P2RX5: variants seen among roughly 807,000 people sequenced by gnomAD.
The protein encoded by P2RX5 is purinergic receptor P2X 5, also known as P2X purinoceptor 5.
Under a neutral mutation model 54.1 loss-of-function variants are expected in P2RX5, and 46 were observed. That is an observed-to-expected ratio of 0.85 (90% confidence interval 0.67 to 1.09). P2RX5 has a LOEUF of 1.09. P2RX5 is among the 50% of genes least tolerant of loss of function. The pLI, the probability that P2RX5 is intolerant of heterozygous loss-of-function variation, is 0.00. For synonymous variants in P2RX5, 226 were observed against 226.4 expected (o/e 1.00, Z 0.02); for missense variants, 566 against 549.8 (o/e 1.03, Z -0.29).
upstream of P2RX5, among the ~76,000 whole-genome samples, chr17:3,699,052 GACACACAC>G (rs71379596): frequency 4.2e-3 from 172 of 40,890 alleles, 1 homozygote; most frequent in African/African-American, 7.5e-3. Flanking sequence ...TATATAGACA[GACACACAC>G]ACACACACAC....
the P2RX5 span, among the ~76,000 whole-genome samples, chr17:3,703,193 C>T: frequency 6.9e-3 from 1,049 of 152,192 alleles, 12 homozygotes; most frequent in Middle Eastern, 0.01. Flanking sequence ...GGGAATTACT[C>T]CTCAAATAGA....
the P2RX5 span, chr17:3,721,953 G>A: frequency 0.14 from 20,572 of 151,964 alleles, 4,635 homozygotes; most frequent in African/African-American, 0.47. Flanking sequence ...GCCAAGGAGG[G>A]CGGATCACCT....
chr17:3,710,239 C>G, the P2RX5 span, among the ~76,000 whole-genome samples: 1 of 151,634 alleles, frequency 6.6e-6, no homozygotes, highest in African/African-American at 2.4e-5. Flanking sequence ...CCAGCCTGGT[C>G]AACATGGTGA....
chr17:3,679,593 T>TG lies in P2RX5; in HGVS notation c.1255dup (p.His419ProfsTer21), dbSNP rs1482802770. 1.9e-6 allele frequency: 3 copies of TG among 1,606,674 alleles called. No individual in the cohort carries two copies. The African/African-American group carries it at 4.0e-5, about 21-fold the overall frequency. On this transcript the variant is annotated frameshift_variant, in exon 11 of 12. Transcript: ENST00000225328. LOFTEE classifies it high-confidence loss of function. The stretch of plus-strand genomic sequence containing the variant: ...CTCTGCCTAGCAGTGGCCTCACCTG[T>TG]GGGGCTCCAGGAGCTGTGGGCACAC...
chr17:3,700,397 G>C (rs1027101990), upstream of P2RX5, among the ~76,000 whole-genome samples: 10 of 152,134 alleles, frequency 6.6e-5, no homozygotes, highest in Non-Finnish European at 1.5e-4. Context: ...GCCGGGCCTG[G>C]TGGCACGCGC....
At chr17:3,708,579 C>T in the P2RX5 span, among the ~76,000 whole-genome samples, 2 of 152,130 alleles carry the variant, frequency 1.3e-5, no homozygotes, top group Non-Finnish European at 2.9e-5. Context: ...AATGGAGATT[C>T]CAGAACAAGT....
At chr17:3,688,800 C>T (rs764379486) in intron 7 of P2RX5, 41 bp from the exon 8 acceptor site, 23 of 1,611,210 alleles carry the variant, frequency 1.4e-5, no homozygotes, top group South Asian at 3.3e-5. Flanking sequence ...CACAGCTTTC[C>T]GGAGACGGAC....
the P2RX5 span, chr17:3,723,410 A>C: frequency 1.3e-6 from 2 of 1,503,324 alleles, no homozygotes; most frequent in South Asian, 2.2e-5. Flanking sequence ...TAGTGAACAC[A>C]ATTCCTTTCC....
At chr17:3,723,615 C>G in the P2RX5 span, 2 of 1,426,390 alleles carry the variant, frequency 1.4e-6, no homozygotes, top group South Asian at 2.7e-5. Flanking sequence ...CCAGGAAAAA[C>G]AGTCTCCTGG....
intron 9 of P2RX5, chr17:3,682,341 C>T: frequency 2.7e-6 from 1 of 365,312 alleles, no homozygotes; most frequent in South Asian, 2.2e-5. Context: ...GGGGACTCTC[C>T]CTCTGGTGCA....
At chr17:3,679,119 C>T (rs2050170070) in intron 11 of P2RX5, among the ~76,000 whole-genome samples, 1 of 152,220 alleles carries the variant, frequency 6.6e-6, no homozygotes, top group Non-Finnish European at 1.5e-5. Flanking sequence ...AGGAGAACCT[C>T]ATCCTACAGA....
Position 3,673,861 on chromosome 17 carries a change from A to G in P2RX5, c.*7T>C, listed in dbSNP as rs763446422. ...TAGGACAGGGCCTGAACGTAAGCAG[A>G]GGCAATTCACGTGCTCCTGGAATAT... On this transcript the variant is annotated 3_prime_UTR_variant, in exon 12 of 12. Coordinates refer to ENST00000225328, the MANE Select transcript of P2RX5 (RefSeq NM_002561.4). The G allele has an allele frequency of 1.2e-6, 2 of 1,613,180 alleles. No homozygotes were observed. Among genetic ancestry groups the G allele is most frequent in the South Asian group, 2.2e-5 (2 of 90,954 alleles).
upstream of P2RX5, among the ~76,000 whole-genome samples, chr17:3,698,074 C>T (rs1253726260): frequency 2.0e-5 from 3 of 151,402 alleles, no homozygotes; most frequent in Non-Finnish European, 2.9e-5. Flanking sequence ...GAGGGCATTT[C>T]GATTCCACCC....
At chr17:3,708,104 A>G in the P2RX5 span, among the ~76,000 whole-genome samples, 2 of 149,886 alleles carry the variant, frequency 1.3e-5, no homozygotes, top group Non-Finnish European at 3.0e-5. Context: ...CTCCTCAGGG[A>G]CAGAGGGAGG....
intron 3 of P2RX5, 53 bp from the exon 4 acceptor site, chr17:3,690,733 G>A (rs1224579640): frequency 3.1e-5 from 49 of 1,563,046 alleles, no homozygotes; most frequent in South Asian, 7.8e-5. Flanking sequence ...GCTCAGAGCC[G>A]GGTCCCACTC....
the P2RX5 span, among the ~76,000 whole-genome samples, chr17:3,703,867 G>A: frequency 6.6e-6 from 1 of 152,190 alleles, no homozygotes; most frequent in African/African-American, 2.4e-5. Flanking sequence ...TTGGGAGGCC[G>A]AGGTGGGTGG....
At chr17:3,701,229 T>G (rs139840091), upstream of P2RX5, among the ~76,000 whole-genome samples, 575 of 152,214 alleles carry the variant, frequency 3.8e-3, 6 homozygotes, top group African/African-American at 0.013. Flanking sequence ...AGGTTTTTTT[T>G]GCAATTTTTT....
At chr17:3,699,878 G>GAAAGAAAGA (rs1567744305), upstream of P2RX5, among the ~76,000 whole-genome samples, 158 of 32,976 alleles carry the variant, frequency 4.8e-3, no homozygotes, top group Non-Finnish European at 6.5e-3. Context: ...AGAAAGAAAG[G>GAAAGAAAGA]AAGGAAGGAA....
intron 10 of P2RX5, among the ~76,000 whole-genome samples, chr17:3,680,342 C>T (rs1597700030): frequency 2.6e-5 from 3 of 114,400 alleles, no homozygotes; most frequent in South Asian, 3.2e-4. Flanking sequence ...CTCCACCCTG[C>T]GTCCTCCACC....
Sources: allele counts gnomAD v4.1 joint callset (sites outside exome capture counted in the v4.1 genomes callset), GRCh38; gene constraint gnomAD v4.1.1; transcripts MANE v1.5; gene names NCBI Gene and HGNC (gene_info 2026-07-23, HGNC 2026-07-21).